The following CACNA2D3 variants were observed in gnomAD, a reference collection of about 807,000 sequenced individuals.
CACNA2D3 encodes the protein voltage-dependent calcium channel subunit alpha-2/delta-3.
A neutral mutation model predicts 160.6 loss-of-function variants in CACNA2D3; 60 were observed. The ratio of observed to expected loss-of-function variants is 0.37; its 90% CI spans 0.30 to 0.46. CACNA2D3 has a LOEUF of 0.46. Among genes scored for constraint, CACNA2D3 ranks in the 20% least tolerant of loss-of-function variants. CACNA2D3 has a pLI of 1.00. For synonymous variants in CACNA2D3, 558 were observed against 492.9 expected (o/e 1.13, Z -1.75); for missense variants, 1,205 against 1,365.0 (o/e 0.88, Z 1.85).
chr3:54,317,073 G>T (rs1200485372), intron 2 of CACNA2D3, among the ~76,000 whole-genome samples: 1 of 152,208 alleles, frequency 6.6e-6, no homozygotes, highest in Non-Finnish European at 1.5e-5. Flanking sequence ...TGGTAAATCA[G>T]CCTTGGGTAT....
chr3:54,409,292 C>T (rs1428317850), intron 4 of CACNA2D3, among the ~76,000 whole-genome samples: 1 of 152,088 alleles, frequency 6.6e-6, no homozygotes, highest in Admixed American at 6.6e-5. Flanking sequence ...GATCTTTGGA[C>T]GTTACTATTG....
chr3:54,393,177 G>C (rs1020476243), intron 4 of CACNA2D3, among the ~76,000 whole-genome samples: 7 of 152,126 alleles, frequency 4.6e-5, no homozygotes, highest in Non-Finnish European at 1.0e-4. Context: ...TCTCCCTGTG[G>C]AAAAAAGGTG....
Position 54,607,603 on chromosome 3 carries a change from A to G in CACNA2D3, c.964-20184A>G, listed in dbSNP as rs1323607676. Among the ~76,000 whole-genome samples the G allele has an allele frequency of 2.0e-5, 3 of 152,204 alleles. No individual in the cohort carries two copies. The East Asian group carries it at 5.8e-4, about 29-fold the overall frequency. On this transcript the variant is annotated intron_variant, in intron 9 of 37. Coordinates refer to ENST00000474759, the MANE Select transcript of CACNA2D3 (RefSeq NM_018398.3). ...AGGACACAGAGCAATTGGATCTCTCATAGGTTGTTGATAGGAACGTAAAAT... is the reference window on the plus strand; with the variant it reads ...AGGACACAGAGCAATTGGATCTCTCGTAGGTTGTTGATAGGAACGTAAAAT...
rs989343159 is a variant in CACNA2D3, at chr3:54,558,621, C to T, written c.545-4179C>T. On this transcript the variant is annotated intron_variant, in intron 5 of 37. Coordinates refer to ENST00000474759, the MANE Select transcript of CACNA2D3 (RefSeq NM_018398.3). ...TGTGTGTTGTTCCCTTCTTTGTGTCCGTGTGTACTCAGTGTTTAGCTCCCA... is the reference window on the plus strand; with the variant it reads ...TGTGTGTTGTTCCCTTCTTTGTGTCTGTGTGTACTCAGTGTTTAGCTCCCA... Among the ~76,000 whole-genome samples, 7 of 152,022 alleles carry T rather than the reference C, an allele frequency of 4.6e-5. No individual in the cohort carries two copies. In the South Asian group the frequency reaches 1.0e-3, roughly 23 times the overall value.
At chr3:54,983,524 T>C (rs554444856) in intron 29 of CACNA2D3, among the ~76,000 whole-genome samples, 127 of 152,220 alleles carry the variant, frequency 8.3e-4, no homozygotes, top group Non-Finnish European at 1.4e-3. Context: ...TCTGATCCCT[T>C]TGTATAACCA....
At chr3:54,513,590 C>T (rs11713732) in intron 5 of CACNA2D3, among the ~76,000 whole-genome samples, 27,726 of 152,124 alleles carry the variant, frequency 0.18, 2,596 homozygotes, top group South Asian at 0.25. Context: ...TAGAACCACC[C>T]GGGCTCCACA....
chr3:54,464,738 A>G (rs562244441), intron 4 of CACNA2D3, among the ~76,000 whole-genome samples: 2 of 152,324 alleles, frequency 1.3e-5, no homozygotes, highest in South Asian at 2.1e-4. Context: ...GAGTGAGGCA[A>G]TGCCTCGCCG....
intron 11 of CACNA2D3, among the ~76,000 whole-genome samples, chr3:54,657,366 T>C (rs1699891944): frequency 6.6e-6 from 1 of 152,156 alleles, no homozygotes; most frequent in Non-Finnish European, 1.5e-5. Flanking sequence ...TTTTGTTTTG[T>C]TTTTGTGATT....
chr3:54,538,534 C>T (rs1701923399), intron 5 of CACNA2D3, among the ~76,000 whole-genome samples: 2 of 152,198 alleles, frequency 1.3e-5, no homozygotes. Flanking sequence ...CTGTAATGCT[C>T]CTCTGACAAC....
chr3:54,495,868 G>A (rs916498058), intron 4 of CACNA2D3, among the ~76,000 whole-genome samples: 1 of 152,156 alleles, frequency 6.6e-6, no homozygotes, highest in Non-Finnish European at 1.5e-5. Flanking sequence ...CATCACTATT[G>A]AATAATAATT....
chr3:54,257,617 G>A (rs1179668061), intron 2 of CACNA2D3, among the ~76,000 whole-genome samples: 2 of 150,464 alleles, frequency 1.3e-5, no homozygotes, highest in Admixed American at 1.3e-4. Context: ...ATTGCAGACA[G>A]AGTAATTTTT....
chr3:54,802,134 A>G (rs1703004765), intron 13 of CACNA2D3, among the ~76,000 whole-genome samples: 1 of 152,198 alleles, frequency 6.6e-6, no homozygotes, highest in South Asian at 2.1e-4. Context: ...TCCTCTTTCA[A>G]CATCACCATA....
chr3:54,932,243 T>A (rs140718268), intron 27 of CACNA2D3, among the ~76,000 whole-genome samples: 96 of 152,238 alleles, frequency 6.3e-4, no homozygotes, highest in African/African-American at 2.1e-3. Context: ...GGGAGAATAT[T>A]CATAATAAAG....
chr3:54,488,797 C>G (rs1701060221), intron 4 of CACNA2D3, among the ~76,000 whole-genome samples: 1 of 152,122 alleles, frequency 6.6e-6, no homozygotes, highest in Non-Finnish European at 1.5e-5. Flanking sequence ...AGAGCAGAGG[C>G]CCTATCAACT....
At chr3:54,463,578 C>T (rs1348139503) in intron 4 of CACNA2D3, among the ~76,000 whole-genome samples, 2 of 150,670 alleles carry the variant, frequency 1.3e-5, no homozygotes, top group Non-Finnish European at 1.5e-5. Context: ...GCTCCTGAGG[C>T]TTCTGCATTC....
At chr3:54,774,930 G>T (rs751341969) in intron 13 of CACNA2D3, among the ~76,000 whole-genome samples, 1 of 152,014 alleles carries the variant, frequency 6.6e-6, no homozygotes, top group African/African-American at 2.4e-5. Context: ...CACCACGCCC[G>T]GCCACTGTTC....
chr3:55,027,531 T>G (rs1418942907), intron 35 of CACNA2D3, among the ~76,000 whole-genome samples: 1 of 152,160 alleles, frequency 6.6e-6, no homozygotes, highest in Non-Finnish European at 1.5e-5. Flanking sequence ...TACCTCTGCT[T>G]TACATCTAAT....
chr3:54,685,682 T>C (rs1700437247), intron 11 of CACNA2D3, among the ~76,000 whole-genome samples: 1 of 152,228 alleles, frequency 6.6e-6, no homozygotes, highest in Non-Finnish European at 1.5e-5. Flanking sequence ...GCATTGTGGC[T>C]GACATCGTCC....
At chr3:54,668,763 G>A (rs931659697) in intron 11 of CACNA2D3, among the ~76,000 whole-genome samples, 1 of 152,250 alleles carries the variant, frequency 6.6e-6, no homozygotes, top group Non-Finnish European at 1.5e-5. Flanking sequence ...TTCTGCAAGT[G>A]TTCCTTCAAG....
Sources: gnomAD v4.1 joint callset for allele counts (sites outside exome capture counted in the v4.1 genomes callset) on GRCh38, gnomAD v4.1.1 for gene constraint, MANE v1.5 for transcripts, NCBI Gene and HGNC (gene_info 2026-07-23, HGNC 2026-07-21) for gene names.